The following IGF2R variants were observed in gnomAD, a reference collection of about 807,000 sequenced individuals.
The protein encoded by IGF2R is cation-independent mannose-6-phosphate receptor.
IGF2R carries 91 observed loss-of-function variants against 270.6 expected under a neutral mutation model. The observed-to-expected ratio is 0.34, with a 90% CI of 0.28 to 0.40. The LOEUF is 0.40. IGF2R is among the 10% of genes least tolerant of loss of function. The pLI is 1.00. For synonymous variants in IGF2R, 1,316 were observed against 1,258.9 expected (o/e 1.05, Z -0.96); for missense variants, 2,805 against 3,188.3 (o/e 0.88, Z 2.90).
In IGF2R at chr6:160,073,831, G is replaced by T; in HGVS notation, c.5022G>T (p.Glu1674Asp). The part of the protein sequence containing the change: ...SPLIHRTGGY[E>D]AYDESEDDAS... ...TTATTCATCGCACTGGTGGTTATGA[G>T]GCTTATGATGAGAGTGAGGATGATG... The change falls in exon 35 of 48, where the codon GAG (glutamate) becomes GAT (aspartate). Residue 1674 changes from glutamate (E) to aspartate (D), a missense_variant. Glu to Asp is a conservative substitution (Grantham distance 45, BLOSUM62 2). This residue lies in a region of IGF2R where 1,851 missense variants were observed against 2,207.2 expected (regional missense o/e 0.84). Coordinates refer to ENST00000356956, the MANE Select transcript of IGF2R (RefSeq NM_000876.4). 3 of 1,614,078 alleles carry T rather than the reference G, an allele frequency of 1.9e-6. No individual in the cohort carries two copies. The highest frequency in any genetic ancestry group is 2.5e-6 in the Non-Finnish European group (3 of 1,179,960).
chr6:159,978,684 C>T (rs866618388), intron 1 of IGF2R, among the ~76,000 whole-genome samples: 4 of 146,858 alleles, frequency 2.7e-5, no homozygotes, highest in Non-Finnish European at 4.5e-5. Flanking sequence ...TTTAGGTTTT[C>T]GAGGTGCCCA....
In IGF2R at chr6:160,044,569, A is replaced by G. The variant is rs1429653962; in HGVS notation, c.1677A>G (p.Lys559=). Residue 559 remains lysine (K), a synonymous_variant, in exon 13 of 48, where the codon AAA becomes AAG. Coordinates refer to ENST00000356956, the MANE Select transcript of IGF2R (RefSeq NM_000876.4). ...GKFISSPMKE[K]GNIQLSYSDG... Reference sequence around the variant, plus strand: ...TTATTTCCTCTCCCATGAAAGAGAAAGGAAACATTCAACTCTCTTATTCAG... The same window carrying G: ...TTATTTCCTCTCCCATGAAAGAGAAGGGAAACATTCAACTCTCTTATTCAG... 2.5e-6 allele frequency: 4 copies of G among 1,607,808 alleles called. No individual in the cohort carries two copies. Among genetic ancestry groups the G allele is most frequent in the Non-Finnish European group, 3.4e-6 (4 of 1,175,406 alleles).
chr6:160,002,695 G>C lies in IGF2R; in HGVS notation c.290-6315G>C, dbSNP rs532146834. 3.4e-3 allele frequency among the ~76,000 whole-genome samples: 520 copies of C among 152,078 alleles called. 3 individuals are homozygous for C. The highest frequency in any genetic ancestry group is 0.012 in the African/African-American group (496 of 41,476). On this transcript the variant is annotated intron_variant, in intron 2 of 47. Transcript: ENST00000356956. ...TGTAACAATAATTATAAATTTATGA[G>C]TATTATTATTTAATAATTCTTATAT...
In IGF2R at chr6:160,068,103, T is replaced by TGTGA. The variant is rs1554246629; in HGVS notation, c.4116-143_4116-142insAGTG. On this transcript the variant is annotated intron_variant, in intron 29 of 47. Transcript: ENST00000356956. ...GTGTGTGTGTGTGTGTGTGTGTGTGTGTGTGACAGAGACAGAGAGAAGTCG... is the reference window on the plus strand; with the variant it reads ...GTGTGTGTGTGTGTGTGTGTGTGTGTGTGAGTGTGACAGAGACAGAGAGAAGTCG... 1,009 of 636,944 alleles carry TGTGA rather than the reference T, an allele frequency of 1.6e-3. 7 individuals are homozygous for TGTGA. In the African/African-American group the frequency reaches 0.017, roughly 11 times the overall value. The allele number at this position is 636,944 out of a possible 1,614,324, so 39.5% of individuals were successfully genotyped here.
chr6:160,051,947 C>A (rs541062808), intron 19 of IGF2R, among the ~76,000 whole-genome samples: 1 of 150,204 alleles, frequency 6.7e-6, no homozygotes, highest in Non-Finnish European at 1.5e-5. Flanking sequence ...AAGCGAGCCC[C>A]TGTCTCAAAA....
At chr6:160,100,682 T>G (rs529442766) in intron 45 of IGF2R, among the ~76,000 whole-genome samples, 4 of 144,022 alleles carry the variant, frequency 2.8e-5, no homozygotes, top group South Asian at 2.2e-4. Flanking sequence ...TTAGAAAACT[T>G]TAGCAAAAAT....
In IGF2R at chr6:160,105,163, T is replaced by G; in HGVS notation, c.*79T>G. On this transcript the variant is annotated 3_prime_UTR_variant, in exon 48 of 48. Coordinates refer to ENST00000356956, the MANE Select transcript of IGF2R (RefSeq NM_000876.4). ...ACCAAATAAGACTTCCACTCGATGATGCTTCTATAATTTTGCCTTTAACAG... is the reference window on the plus strand; with the variant it reads ...ACCAAATAAGACTTCCACTCGATGAGGCTTCTATAATTTTGCCTTTAACAG... The G allele has an allele frequency of 7.9e-7, 1 of 1,271,002 alleles. No homozygotes were observed. The highest frequency in any genetic ancestry group is 1.1e-6 in the Non-Finnish European group (1 of 935,386). 78.7% of individuals were successfully genotyped at this position (1,271,002 alleles called of 1,614,324 possible).
At chr6:160,057,931 T>C in intron 20 of IGF2R, 92 bp from the exon 21 acceptor site, 1 of 748,950 alleles carries the variant, frequency 1.3e-6, no homozygotes, top group South Asian at 1.5e-5. Flanking sequence ...GTCAGGTGCA[T>C]ACTTGCAGGT....
At chr6:160,032,378 T>C (rs1020790455) in intron 7 of IGF2R, among the ~76,000 whole-genome samples, 173 bp from the exon 8 acceptor site, 1 of 152,320 alleles carries the variant, frequency 6.6e-6, no homozygotes, top group East Asian at 1.9e-4. Flanking sequence ...TTTACTGAGT[T>C]GTTATAAGTC....
intron 5 of IGF2R, among the ~76,000 whole-genome samples, chr6:160,026,807 G>A (rs544022764): frequency 6.6e-6 from 1 of 152,354 alleles, no homozygotes; most frequent in Admixed American, 6.5e-5. Context: ...ACCCAGAGCT[G>A]TGGGTTCTTT....
chr6:159,996,997 C>T (rs2115188257), intron 2 of IGF2R, among the ~76,000 whole-genome samples: 1 of 152,328 alleles, frequency 6.6e-6, no homozygotes, highest in East Asian at 1.9e-4. Flanking sequence ...GTGCCCACAG[C>T]AGTGGGTAGA....
rs201596494 is a variant in IGF2R, at chr6:160,072,055, C to T, written c.4570+19C>T. Reference sequence around the variant, plus strand: ...AGCACAGGTGAGAGGTGGTGCCAGTCGTTAACCCCAGCGCAGGTGAGAGAC... The same window carrying T: ...AGCACAGGTGAGAGGTGGTGCCAGTTGTTAACCCCAGCGCAGGTGAGAGAC... On this transcript the variant is annotated intron_variant, in intron 32 of 47. Transcript: ENST00000356956. The T allele has an allele frequency of 1.9e-5, 30 of 1,613,864 alleles. No homozygotes were observed. The highest frequency in any genetic ancestry group is 1.5e-4 in the African/African-American group (11 of 75,028).
Position 160,046,638 on chromosome 6 carries a change from G to A in IGF2R, c.2044G>A (p.Ala682Thr). The change falls in exon 15 of 48, where the codon GCA becomes ACA. Residue 682 changes from alanine to threonine, a missense_variant. Ala to Thr is a moderately conservative substitution (Grantham distance 58). Around this residue, in one of 2 missense-constraint regions of IGF2R, gnomAD observed 954 missense variants for 981.1 expected, o/e 0.97. Transcript: ENST00000356956. ...CQPDSGACQV[A>T]KSDEKTWNLG... ...GCCAGACTCAGGAGCCTGCCAGGTG[G>A]CAAAAAGGCAAGTAGCTTCTCAGTT... The A allele has an allele frequency of 6.2e-7, 1 of 1,608,750 alleles. No individual in the cohort carries two copies. The highest frequency in any genetic ancestry group is 1.7e-5 in the Admixed American group (1 of 57,930).
chr6:160,099,298 G>A (rs1779429625), intron 45 of IGF2R, among the ~76,000 whole-genome samples: 1 of 152,152 alleles, frequency 6.6e-6, no homozygotes, highest in South Asian at 2.1e-4. Flanking sequence ...TATGTGAAAT[G>A]ATGTATAATG....
intron 12 of IGF2R, among the ~76,000 whole-genome samples, chr6:160,044,288 G>A (rs1562354952): frequency 6.6e-6 from 1 of 152,184 alleles, no homozygotes; most frequent in Non-Finnish European, 1.5e-5. Context: ...GGATGACCCT[G>A]GAGGACCCCA....
intron 32 of IGF2R, 131 bp downstream of exon 32, chr6:160,072,167 G>A (rs1778755920): frequency 5.4e-6 from 6 of 1,118,672 alleles, no homozygotes; most frequent in Non-Finnish European, 6.4e-6. Context: ...GTGTCATGGT[G>A]TGTGGGTGTG....
chr6:160,059,583 T>A (rs1304639882), intron 22 of IGF2R, among the ~76,000 whole-genome samples: 4 of 152,196 alleles, frequency 2.6e-5, no homozygotes, highest in Non-Finnish European at 5.9e-5. Flanking sequence ...AACACAGCAG[T>A]CAGAGTGATG....
intron 20 of IGF2R, 89 bp downstream of exon 20, chr6:160,056,614 G>A: frequency 1.2e-6 from 1 of 853,678 alleles, no homozygotes; most frequent in Non-Finnish European, 2.0e-6. Flanking sequence ...ACCGACCCCT[G>A]CCCCTTCTTT....
chr6:160,055,697 C>T (rs1176797028), intron 19 of IGF2R, among the ~76,000 whole-genome samples: 1 of 152,104 alleles, frequency 6.6e-6, no homozygotes, highest in East Asian at 1.9e-4. Flanking sequence ...CTTCCTTGTG[C>T]CTCAGTTTTC....
Sources: allele counts gnomAD v4.1 joint callset (sites outside exome capture counted in the v4.1 genomes callset), GRCh38; gene constraint gnomAD v4.1.1; regional missense constraint gnomAD v4.1.1; transcripts MANE v1.5; gene names NCBI Gene and HGNC (gene_info 2026-07-23, HGNC 2026-07-21).